The following LRRC37A2 variants were observed in gnomAD, a reference collection of about 807,000 sequenced individuals.
The protein encoded by LRRC37A2 is leucine rich repeat containing 37 member A2.
In LRRC37A2, 9 loss-of-function variants were observed where a neutral mutation model predicts 68.8. The ratio of observed to expected loss-of-function variants is 0.13; its 90% CI spans 0.08 to 0.23. LRRC37A2 has a LOEUF of 0.23. Among genes scored for constraint, LRRC37A2 ranks in the 10% least tolerant of loss-of-function variants. LRRC37A2 has a pLI of 1.00. For missense variants in LRRC37A2, 168 were observed against 950.4 expected (o/e 0.18, Z 10.82); for synonymous variants, 63 against 367.6 (o/e 0.17, Z 9.48).
the LRRC37A2 span, among the ~76,000 whole-genome samples, chr17:46,979,788 G>GT: frequency 1.2e-4 from 7 of 56,556 alleles, 1 homozygote; most frequent in African/African-American, 3.2e-4. Context: ...ATAAATTACT[G>GT]TTTTTTTCTT....
chr17:46,955,940 C>CT, the LRRC37A2 span, among the ~76,000 whole-genome samples: 2 of 152,186 alleles, frequency 1.3e-5, no homozygotes, highest in African/African-American at 4.8e-5. Flanking sequence ...GGCGAAGACT[C>CT]TAATTCCTTA....
the LRRC37A2 span, among the ~76,000 whole-genome samples, chr17:46,493,533 T>TTTA: frequency 2.8e-5 from 3 of 106,286 alleles, no homozygotes; most frequent in African/African-American, 1.1e-4. Flanking sequence ...TTTTATTTTA[T>TTTA]TTTATTTATT....
chr17:47,001,529 G>T, the LRRC37A2 span, among the ~76,000 whole-genome samples: 1 of 151,962 alleles, frequency 6.6e-6, no homozygotes, highest in Non-Finnish European at 1.5e-5. Context: ...ACTGCCTAGA[G>T]ATTACAATTT....
the LRRC37A2 span, among the ~76,000 whole-genome samples, chr17:46,635,779 G>GTGTGTA: frequency 8.2e-6 from 1 of 121,234 alleles, no homozygotes; most frequent in African/African-American, 3.9e-5. Context: ...GAAAATAAAT[G>GTGTGTA]TGTGTGTGTG....
chr17:46,860,491 A>C, the LRRC37A2 span, among the ~76,000 whole-genome samples: 1 of 152,182 alleles, frequency 6.6e-6, no homozygotes, highest in Non-Finnish European at 1.5e-5. Flanking sequence ...TCTACCACTT[A>C]CTGACTGACC....
the LRRC37A2 span, among the ~76,000 whole-genome samples, chr17:46,908,283 T>G: frequency 6.6e-6 from 1 of 151,646 alleles, no homozygotes; most frequent in East Asian, 2.0e-4. Context: ...GAAGGGGGCC[T>G]CTGAGGGATG....
the LRRC37A2 span, chr17:46,941,956 G>C: frequency 7.1e-6 from 7 of 985,014 alleles, no homozygotes; most frequent in Non-Finnish European, 6.0e-6. Flanking sequence ...TCTCAAAGAT[G>C]ATCACATTGG....
the LRRC37A2 span, among the ~76,000 whole-genome samples, chr17:46,901,635 C>A: frequency 1.3e-5 from 2 of 152,100 alleles, no homozygotes; most frequent in Non-Finnish European, 2.9e-5. Flanking sequence ...GGAAAGTTCT[C>A]CAGCCTTCTA....
chr17:47,008,056 A>C, the LRRC37A2 span, among the ~76,000 whole-genome samples: 1 of 152,212 alleles, frequency 6.6e-6, no homozygotes, highest in African/African-American at 2.4e-5. Context: ...TTAAGTTTTC[A>C]AAAATCAAAA....
the LRRC37A2 span, chr17:46,851,794 C>A: frequency 1.3e-6 from 1 of 748,460 alleles, no homozygotes; most frequent in Non-Finnish European, 1.8e-6. This position sits in a 1 kb window ranked among gnomAD's most constrained non-coding sequence, Gnocchi z 4.3. Flanking sequence ...GCCAATTTTT[C>A]CCTCCCGCTG....
chr17:46,901,585 G>A, the LRRC37A2 span, among the ~76,000 whole-genome samples: 3 of 152,302 alleles, frequency 2.0e-5, no homozygotes, highest in East Asian at 5.8e-4. Context: ...AGGTCTGCGT[G>A]AGGGACTTGA....
chr17:46,839,957 T>TTTCTTTCTTTCTC, the LRRC37A2 span, among the ~76,000 whole-genome samples: 27 of 142,280 alleles, frequency 1.9e-4, no homozygotes, highest in African/African-American at 6.7e-4. Context: ...TCTTTCTTTC[T>TTTCTTTCTTTCTC]TTCTTTCTTT....
At chr17:46,940,721 G>T in the LRRC37A2 span, 1 of 1,598,000 alleles carries the variant, frequency 6.3e-7, no homozygotes, top group Non-Finnish European at 8.5e-7. Flanking sequence ...ACTTGACAGT[G>T]GTTGGCTTTG....
At chr17:46,773,619 T>TGCCGGGCG in the LRRC37A2 span, 1 of 549,848 alleles carries the variant, frequency 1.8e-6, no homozygotes, top group Non-Finnish European at 3.2e-6. Context: ...ACAGTCCTGA[T>TGCCGGGCG]CCCTCCCCCC....
the LRRC37A2 span, chr17:47,019,833 G>A: frequency 3.1e-6 from 4 of 1,270,950 alleles, no homozygotes; most frequent in Non-Finnish European, 4.5e-6. Flanking sequence ...TGCCCTCTGT[G>A]TCCTGCCTGA....
chr17:46,768,430 T>A, the LRRC37A2 span: 1 of 1,614,088 alleles, frequency 6.2e-7, no homozygotes, highest in Non-Finnish European at 8.5e-7. This position sits in a 1 kb window ranked among gnomAD's most constrained non-coding sequence, Gnocchi z 5.0. Flanking sequence ...GTCCTCGTGT[T>A]GTGGCCCCGG....
chr17:46,752,698 C>T, the LRRC37A2 span, among the ~76,000 whole-genome samples: 2 of 152,322 alleles, frequency 1.3e-5, no homozygotes, highest in East Asian at 1.9e-4. Flanking sequence ...TCAAGTAATC[C>T]GTCTGCCTCA....
the LRRC37A2 span, among the ~76,000 whole-genome samples, chr17:46,859,377 C>T: frequency 1.3e-5 from 2 of 152,154 alleles, no homozygotes; most frequent in African/African-American, 4.8e-5. Context: ...TGAATGTCCA[C>T]GTGTTTCAGT....
the LRRC37A2 span, among the ~76,000 whole-genome samples, chr17:46,948,295 G>C: frequency 6.6e-6 from 1 of 152,216 alleles, no homozygotes; most frequent in Non-Finnish European, 1.5e-5. Flanking sequence ...GCACAGCCCA[G>C]GACATAGAAA....
Sources: allele counts gnomAD v4.1 joint callset (sites outside exome capture counted in the v4.1 genomes callset), GRCh38; gene constraint gnomAD v4.1.1; non-coding constraint Gnocchi (gnomAD v3.1); transcripts MANE v1.5; gene names NCBI Gene and HGNC (gene_info 2026-07-23, HGNC 2026-07-21).